MAGI2: variants seen among roughly 807,000 people sequenced by gnomAD.
The protein encoded by MAGI2 is membrane associated guanylate kinase, WW and PDZ domain containing 2, also known as membrane-associated guanylate kinase, WW and PDZ domain-containing protein 2.
MAGI2 carries 35 observed loss-of-function variants against 133.3 expected under a neutral mutation model. That is an observed-to-expected ratio of 0.26 (90% CI 0.20 to 0.35). The LOEUF (loss-of-function observed/expected upper bound fraction) is 0.35, where lower values mean the gene tolerates loss of function less well. MAGI2 is among the 10% of genes least tolerant of loss of function. The probability of loss-of-function intolerance (pLI) is 1.00; values close to 1 mark genes in which losing one functional copy is unlikely to be tolerated. For synonymous variants in MAGI2, 729 were observed against 710.6 expected (o/e 1.03, Z -0.41); for missense variants, 1,636 against 1,863.4 (o/e 0.88, Z 2.25).
intron 2 of MAGI2, among the ~76,000 whole-genome samples, chr7:78,656,777 GTA>G (rs541600711): frequency 6.6e-6 from 1 of 151,774 alleles, no homozygotes; most frequent in Non-Finnish European, 1.5e-5. Flanking sequence ...TACATCTTAA[GTA>G]TATATAATTT....
chr7:78,265,248 A>G (rs1433731953), intron 9 of MAGI2, among the ~76,000 whole-genome samples: 1 of 152,228 alleles, frequency 6.6e-6, no homozygotes, highest in Non-Finnish European at 1.5e-5. Context: ...CAGAAAATAC[A>G]TTCTAAGAGA....
At chr7:78,944,603 C>T (rs2151687866) in intron 2 of MAGI2, among the ~76,000 whole-genome samples, 1 of 152,166 alleles carries the variant, frequency 6.6e-6, no homozygotes, top group Admixed American at 6.5e-5. Flanking sequence ...GAAAAGGCAC[C>T]ACCATGTGTA....
chr7:79,373,413 T>G (rs1043470875), intron 1 of MAGI2, among the ~76,000 whole-genome samples: 1 of 151,970 alleles, frequency 6.6e-6, no homozygotes, highest in Non-Finnish European at 1.5e-5. Flanking sequence ...TTCTGAAAAT[T>G]GTTAAATATC....
chr7:78,955,057 T>C (rs971761291), intron 2 of MAGI2, among the ~76,000 whole-genome samples: 1 of 152,030 alleles, frequency 6.6e-6, no homozygotes, highest in African/African-American at 2.4e-5. Flanking sequence ...AAATGTACAA[T>C]AGCTTATGTT....
chr7:78,590,912 C>T (rs1803929759), intron 3 of MAGI2, among the ~76,000 whole-genome samples: 1 of 152,062 alleles, frequency 6.6e-6, no homozygotes, highest in Non-Finnish European at 1.5e-5. Flanking sequence ...ACTTTTATTT[C>T]TGAGAAAAAA....
At chr7:78,804,748 CAAAAAAAAAAAA>C (rs373472835) in intron 2 of MAGI2, among the ~76,000 whole-genome samples, 1 of 97,734 alleles carries the variant, frequency 1.0e-5, no homozygotes, top group Non-Finnish European at 2.0e-5. Context: ...GACTCTGTCT[CAAAAAAAAAAAA>C]AAAAAAAAAA....
intron 1 of MAGI2, among the ~76,000 whole-genome samples, chr7:79,219,763 C>T (rs982833525): frequency 6.6e-6 from 1 of 151,958 alleles, no homozygotes; most frequent in African/African-American, 2.4e-5. Flanking sequence ...TTTCCCTGTG[C>T]TCAGTATTTG....
intron 1 of MAGI2, among the ~76,000 whole-genome samples, chr7:79,093,466 C>T (rs900915365): frequency 1.3e-5 from 2 of 152,126 alleles, no homozygotes; most frequent in South Asian, 4.1e-4. Flanking sequence ...GTTATATCTA[C>T]ACCACATTGT....
At chr7:78,920,246 G>C (rs543379956) in intron 2 of MAGI2, among the ~76,000 whole-genome samples, 3 of 152,002 alleles carry the variant, frequency 2.0e-5, no homozygotes, top group East Asian at 1.9e-4. Flanking sequence ...TGTCCCTTTG[G>C]GCAAATTATT....
At chr7:78,775,943 C>G (rs1023939902) in intron 2 of MAGI2, among the ~76,000 whole-genome samples, 1 of 152,148 alleles carries the variant, frequency 6.6e-6, no homozygotes, top group Non-Finnish European at 1.5e-5. Context: ...TTTCTACTCT[C>G]GTGTGAACCT....
Position 79,195,878 on chromosome 7 carries a change from T to G in MAGI2, c.302-188672A>C, listed in dbSNP as rs182349417. 4.1e-3 allele frequency among the ~76,000 whole-genome samples: 617 copies of G among 151,904 alleles called. 13 individuals are homozygous for G. Among genetic ancestry groups the G allele is most frequent in the Non-Finnish European group, 1.2e-3 (80 of 67,992 alleles). On this transcript the variant is annotated intron_variant, in intron 1 of 21. Coordinates refer to ENST00000354212, the MANE Select transcript of MAGI2 (RefSeq NM_012301.4). ...AAGCCAGGCACAGAAAGACAAACAC[T>G]GCATGATCTCACTCATATGTGGAAT... is the stretch of plus-strand genomic sequence containing the variant.
chr7:78,570,021 C>T (rs148223721), intron 3 of MAGI2, among the ~76,000 whole-genome samples: 11 of 152,250 alleles, frequency 7.2e-5, no homozygotes, highest in African/African-American at 2.6e-4. Flanking sequence ...AGATATTTCA[C>T]TGTTTTTAAT....
chr7:78,268,326 A>C lies in MAGI2; in HGVS notation c.1409-11745T>G, dbSNP rs146574697. ...GATATTTTTGGTATAGGTAATGCAA[A>C]ACAGCTAATTAAATCCTTTCTACTG... is the stretch of plus-strand genomic sequence containing the variant. On this transcript the variant is annotated intron_variant, in intron 9 of 21. Coordinates refer to ENST00000354212, the MANE Select transcript of MAGI2 (RefSeq NM_012301.4). 5.7e-3 allele frequency among the ~76,000 whole-genome samples: 870 copies of C among 152,304 alleles called. 5 individuals are homozygous for C. Among genetic ancestry groups the C allele is most frequent in the African/African-American group, 0.02 (820 of 41,558 alleles).
intron 9 of MAGI2, among the ~76,000 whole-genome samples, chr7:78,339,146 A>C (rs1790090518): frequency 6.6e-6 from 1 of 152,222 alleles, no homozygotes; most frequent in South Asian, 2.1e-4. Flanking sequence ...TCCTTGAGAA[A>C]CAGTTCTGTG....
At chr7:78,279,072 A>G (rs547819637) in intron 9 of MAGI2, among the ~76,000 whole-genome samples, 4 of 152,180 alleles carry the variant, frequency 2.6e-5, no homozygotes, top group Non-Finnish European at 5.9e-5. Context: ...ATTTTAACAT[A>G]TCAGAACTGG....
At chr7:78,359,145 G>C (rs894048781) in intron 7 of MAGI2, 6 of 152,198 alleles carry the variant, frequency 3.9e-5, no homozygotes, top group African/African-American at 1.2e-4. Flanking sequence ...TCAGGACAGA[G>C]TTTTAGAAAA....
intron 2 of MAGI2, among the ~76,000 whole-genome samples, chr7:78,668,049 C>T (rs1474042390): frequency 6.6e-6 from 1 of 152,138 alleles, no homozygotes; most frequent in African/African-American, 2.4e-5. Context: ...TCCTCTCCAG[C>T]ACCTGTTGTT....
At chr7:78,405,543 C>T (rs1320903083) in intron 6 of MAGI2, among the ~76,000 whole-genome samples, 1 of 152,076 alleles carries the variant, frequency 6.6e-6, no homozygotes, top group African/African-American at 2.4e-5. Flanking sequence ...TTGTATACTA[C>T]ATGTGTCAAG....
rs529957881 is a variant in MAGI2, at chr7:78,667,468, C to T, written c.419-40229G>A. Among the ~76,000 whole-genome samples, 6 of 151,016 alleles carry T rather than the reference C, an allele frequency of 4.0e-5. No individual in the cohort carries two copies. The South Asian group carries it at 6.3e-4, about 16-fold the overall frequency. Reference sequence around the variant, plus strand: ...AGTTAGTTACATATGTATATATGTGCCATGCTGGTGTGCTGCACCCATTAA... The same window carrying T: ...AGTTAGTTACATATGTATATATGTGTCATGCTGGTGTGCTGCACCCATTAA... On this transcript the variant is annotated intron_variant, in intron 2 of 21. Transcript: ENST00000354212.
Sources: allele counts gnomAD v4.1 joint callset (sites outside exome capture counted in the v4.1 genomes callset), GRCh38; gene constraint gnomAD v4.1.1; transcripts MANE v1.5; gene names NCBI Gene and HGNC (gene_info 2026-07-23, HGNC 2026-07-21).